Variants in FBXL4 observed in about 807,000 individuals in gnomAD.
The protein encoded by FBXL4 is F-box/LRR-repeat protein 4.
FBXL4 carries 40 observed loss-of-function variants against 58.9 expected under a neutral mutation model. That is an observed-to-expected ratio of 0.68 (90% confidence interval 0.53 to 0.88). The LOEUF (loss-of-function observed/expected upper bound fraction) is 0.88, where lower values mean the gene tolerates loss of function less well. Among genes scored for constraint, FBXL4 ranks in the 40% least tolerant of loss-of-function variants. The probability of loss-of-function intolerance (pLI) is 0.00; values close to 1 mark genes in which losing one functional copy is unlikely to be tolerated. For missense variants in FBXL4, 676 were observed against 734.4 expected, an observed-to-expected ratio of 0.92 and a Z score of 0.92; for synonymous variants, 263 against 265.5, an observed-to-expected ratio of 0.99 and a Z score of 0.09.
In FBXL4 at chr6:98,917,564, A is replaced by C. The variant is rs200734083; in HGVS notation, c.668T>G (p.Val223Gly). 6.2e-7 allele frequency: 1 copy of C among 1,614,056 alleles called. No individual in the cohort carries two copies. Among genetic ancestry groups the C allele is most frequent in the Admixed American group, 1.7e-5 (1 of 60,014 alleles). ...LLEYYTELDAVVLHGVKDKPV... is the reference protein window; with the variant it reads ...LLEYYTELDAGVLHGVKDKPV... Reference sequence around the variant, plus strand: ...CTTGTCCTTCACACCATGTAGCACAACTGCATCTAATTCAGTGTAATATTC... The same window carrying C: ...CTTGTCCTTCACACCATGTAGCACACCTGCATCTAATTCAGTGTAATATTC... Residue 223 changes from valine (V) to glycine (G), a missense_variant, in exon 5 of 10, where the codon GTT (valine) becomes GGT (glycine). Val to Gly is a moderately radical substitution (Grantham distance 109). Coordinates refer to ENST00000369244, the MANE Select transcript of FBXL4 (RefSeq NM_001278716.2).
rs149751550 is a variant in FBXL4 at position 98,900,404 on chromosome 6, T to C, written c.1104-923A>G. On this transcript the variant is annotated intron_variant, in intron 6 of 9. Coordinates refer to ENST00000369244, the MANE Select transcript of FBXL4 (RefSeq NM_001278716.2). The stretch of plus-strand genomic sequence containing the variant: ...TTTATTCCTAAATGATTTAATGAGC[T>C]TACAAATACACATACAAAGTAAAAT... 3.5e-3 allele frequency among the ~76,000 whole-genome samples: 527 copies of C among 152,328 alleles called. 3 individuals are homozygous for C. Among genetic ancestry groups the C allele is most frequent in the African/African-American group, 0.011 (478 of 41,576 alleles).
intron 4 of FBXL4, among the ~76,000 whole-genome samples, chr6:98,921,502 A>T (rs1176708930): frequency 8.6e-5 from 13 of 151,892 alleles, no homozygotes. Flanking sequence ...AATAAAAGTA[A>T]CAAGTATTCT....
intron 7 of FBXL4, chr6:98,897,156 T>A (rs911525787): frequency 1.0e-6 from 1 of 982,532 alleles, no homozygotes; most frequent in African/African-American, 1.7e-5. Context: ...AATCAGAAAA[T>A]TTTAAATGAG....
At chr6:98,930,183 G>C (rs763663958) in intron 2 of FBXL4, among the ~76,000 whole-genome samples, 1 of 152,158 alleles carries the variant, frequency 6.6e-6, no homozygotes, top group South Asian at 2.1e-4. Flanking sequence ...CCAAATGGAG[G>C]GATTTGCAGC....
chr6:98,920,647 T>G (rs1339521091), intron 4 of FBXL4, among the ~76,000 whole-genome samples: 2 of 152,192 alleles, frequency 1.3e-5, no homozygotes, highest in African/African-American at 4.8e-5. Context: ...CCAATAGAGC[T>G]AAAATGTATC....
rs546107929 is a variant in FBXL4, at chr6:98,909,542, A to C, written c.859-3872T>G. 5.9e-5 allele frequency among the ~76,000 whole-genome samples: 9 copies of C among 152,332 alleles called. No homozygotes were observed. The South Asian group carries it at 1.9e-3, about 32-fold the overall frequency. The stretch of plus-strand genomic sequence containing the variant: ...AATTCTATGGGTCAAGCATTTTATC[A>C]GGTCTGGATAAAATTCAATAAACTG... On this transcript the variant is annotated intron_variant, in intron 5 of 9. Transcript: ENST00000369244.
intron 1 of FBXL4, among the ~76,000 whole-genome samples, chr6:98,947,575 G>A (rs940621264): frequency 2.0e-5 from 3 of 152,188 alleles, no homozygotes; most frequent in African/African-American, 7.2e-5. Flanking sequence ...CGTAGAAAGA[G>A]CCCGAGGCAC....
chr6:98,902,569 T>C (rs1771654516), intron 6 of FBXL4, among the ~76,000 whole-genome samples: 1 of 151,996 alleles, frequency 6.6e-6, no homozygotes, highest in Non-Finnish European at 1.5e-5. Context: ...CTAGAACGCA[T>C]CCAAGAATGT....
intron 5 of FBXL4, among the ~76,000 whole-genome samples, chr6:98,910,790 C>G (rs984575617): frequency 6.6e-6 from 1 of 152,154 alleles, no homozygotes; most frequent in Non-Finnish European, 1.5e-5. Context: ...TCTGAGGTAC[C>G]GGGTTCATCT....
intron 1 of FBXL4, among the ~76,000 whole-genome samples, chr6:98,947,341 AAG>A (rs1773659148): frequency 6.6e-6 from 1 of 152,194 alleles, no homozygotes; most frequent in Admixed American, 6.5e-5. Context: ...AGCAGTCCTG[AAG>A]AAAGAAAACA....
chr6:98,883,941 A>G (rs1235582858), intron 7 of FBXL4, among the ~76,000 whole-genome samples: 1 of 151,826 alleles, frequency 6.6e-6, no homozygotes, highest in Non-Finnish European at 1.5e-5. Context: ...AAATAATACA[A>G]AAAGATTAAT....
chr6:98,875,257 A>T (rs868547074), intron 9 of FBXL4, 158 bp downstream of exon 9: 2 of 677,570 alleles, frequency 3.0e-6, no homozygotes, highest in Non-Finnish European at 5.2e-6. Flanking sequence ...CCCTATATTA[A>T]CTGATCTATC....
At chr6:98,919,866 T>C (rs1286067878) in intron 4 of FBXL4, among the ~76,000 whole-genome samples, 2 of 152,106 alleles carry the variant, frequency 1.3e-5, no homozygotes, top group African/African-American at 4.8e-5. Context: ...CCACTGCAAA[T>C]TGACACCAGA....
At chr6:98,895,694 C>A (rs983736765) in intron 7 of FBXL4, among the ~76,000 whole-genome samples, 1 of 152,046 alleles carries the variant, frequency 6.6e-6, no homozygotes, top group South Asian at 2.1e-4. Flanking sequence ...AATAATAATG[C>A]AAAATATCTA....
chr6:98,940,838 G>A (rs1285232323), intron 1 of FBXL4, among the ~76,000 whole-genome samples: 2 of 152,134 alleles, frequency 1.3e-5, no homozygotes, highest in East Asian at 1.9e-4. Flanking sequence ...AGTTTCAAAA[G>A]AGTAAACCCT....
At position 98,947,943 on chromosome 6, in the gene FBXL4, A is replaced by C. The variant is rs941047218; in HGVS notation, c.-446T>G. On this transcript the variant is annotated 5_prime_UTR_variant, in exon 1 of 10. Transcript: ENST00000369244. ...GCAAGCCCGGCCTAGCGCGACCCGGAAGGAAGACGCGGAGGCCGCGAGGAG... is the reference window on the plus strand; with the variant it reads ...GCAAGCCCGGCCTAGCGCGACCCGGCAGGAAGACGCGGAGGCCGCGAGGAG... 1 of 150,520 alleles carries C rather than the reference A, an allele frequency of 6.6e-6. No homozygotes were observed. The highest frequency in any genetic ancestry group is 1.5e-5 in the Non-Finnish European group (1 of 67,524). The allele number at this position is 150,520 out of a possible 1,614,324, so 9.3% of individuals were successfully genotyped here.
chr6:98,879,666 A>G (rs1161241262), intron 8 of FBXL4, among the ~76,000 whole-genome samples: 1 of 152,010 alleles, frequency 6.6e-6, no homozygotes, highest in African/African-American at 2.4e-5. Context: ...GCGGATCACA[A>G]GGTCAGGAGT....
At chr6:98,910,813 C>A (rs539859790) in intron 5 of FBXL4, among the ~76,000 whole-genome samples, 1 of 152,250 alleles carries the variant, frequency 6.6e-6, no homozygotes, top group South Asian at 2.1e-4. Context: ...CCAGGGAGTG[C>A]CAGATAGTGG....
At chr6:98,885,333 C>G (rs1770999736) in intron 7 of FBXL4, among the ~76,000 whole-genome samples, 1 of 152,272 alleles carries the variant, frequency 6.6e-6, no homozygotes, top group African/African-American at 2.4e-5. Flanking sequence ...ACCTCCTGAC[C>G]TCATAATCCA....
Sources: gnomAD v4.1 joint callset for allele counts (sites outside exome capture counted in the v4.1 genomes callset) on GRCh38, gnomAD v4.1.1 for gene constraint, MANE v1.5 for transcripts, NCBI Gene and HGNC (gene_info 2026-07-23, HGNC 2026-07-21) for gene names.